MED12L: variants seen among roughly 807,000 people sequenced by gnomAD.
MED12L encodes the protein mediator of RNA polymerase II transcription subunit 12-like protein.
Under a neutral mutation model 281.3 loss-of-function variants are expected in MED12L, and 60 were observed. The ratio of observed to expected loss-of-function variants is 0.21; its 90% CI spans 0.17 to 0.26. The LOEUF is 0.26. Ranked by LOEUF, MED12L falls within the 10% of genes least tolerant of loss-of-function variation. The probability of loss-of-function intolerance (pLI) is 1.00; values close to 1 mark genes in which losing one functional copy is unlikely to be tolerated. For missense variants in MED12L, 2,146 were observed against 2,680.9 expected, an observed-to-expected ratio of 0.80 and a Z score of 4.41; for synonymous variants, 974 against 987.2, an observed-to-expected ratio of 0.99 and a Z score of 0.25.
At chr3:151,426,973 T>G (rs1322293690) in intron 43 of MED12L, among the ~76,000 whole-genome samples, 1 of 151,996 alleles carries the variant, frequency 6.6e-6, no homozygotes, top group Non-Finnish European at 1.5e-5. Flanking sequence ...TGCACCACCA[T>G]GCCTGGCTAA....
rs749999016 is a variant in MED12L at position 151,411,271 on chromosome 3, C to A, written c.5911-7C>A. On this transcript the variant is annotated splice_region_variant and splice_polypyrimidine_tract_variant and intron_variant, in intron 40 of 44. Coordinates refer to ENST00000687756, the MANE Select transcript of MED12L (RefSeq NM_001393769.1). ...ACATTGACTTCTTCCCTTGTGCCTA[C>A]CTGCAGACCATGCCACAGGGCTATA... 6.2e-7 allele frequency: 1 copy of A among 1,613,058 alleles called. No homozygotes were observed. Among genetic ancestry groups the A allele is most frequent in the East Asian group, 2.2e-5 (1 of 44,876 alleles).
chr3:151,102,852 T>C (rs1721562099), intron 2 of MED12L, among the ~76,000 whole-genome samples: 1 of 152,120 alleles, frequency 6.6e-6, no homozygotes, highest in Admixed American at 6.5e-5. Context: ...CCTGCAGATG[T>C]GTGCTGAGCG....
intron 2 of MED12L, among the ~76,000 whole-genome samples, chr3:151,097,706 G>C (rs933126887): frequency 6.6e-6 from 1 of 152,174 alleles, no homozygotes; most frequent in Non-Finnish European, 1.5e-5. Flanking sequence ...ACAACTGGGT[G>C]TGTGTCTTGG....
At chr3:151,089,572 G>A (rs1231045390) in intron 2 of MED12L, among the ~76,000 whole-genome samples, 1 of 147,556 alleles carries the variant, frequency 6.8e-6, no homozygotes, top group African/African-American at 2.5e-5. Flanking sequence ...CACCATAAAT[G>A]TAATTTTTAT....
At chr3:151,405,092 A>G (rs1166454446) in intron 39 of MED12L, among the ~76,000 whole-genome samples, 1 of 152,268 alleles carries the variant, frequency 6.6e-6, no homozygotes, top group African/African-American at 2.4e-5. Flanking sequence ...ATACAGCAGT[A>G]AGAGAGAGAA....
chr3:151,251,559 T>G (rs1487804953), intron 16 of MED12L, among the ~76,000 whole-genome samples: 2 of 152,190 alleles, frequency 1.3e-5, no homozygotes, highest in Non-Finnish European at 2.9e-5. Context: ...TGTGGGTCTC[T>G]AATACTTAAA....
chr3:151,154,492 G>A (rs189626235), intron 5 of MED12L, among the ~76,000 whole-genome samples: 5 of 152,124 alleles, frequency 3.3e-5, no homozygotes, highest in East Asian at 3.9e-4. Flanking sequence ...TAATGAACGC[G>A]TATTTCTCCT....
At chr3:151,315,828 T>C (rs1017815514) in intron 16 of MED12L, among the ~76,000 whole-genome samples, 1 of 152,212 alleles carries the variant, frequency 6.6e-6, no homozygotes, top group African/African-American at 2.4e-5. Context: ...AGATTCAACT[T>C]GAGAATGTGA....
intron 16 of MED12L, among the ~76,000 whole-genome samples, chr3:151,333,783 AAG>A (rs1169544517): frequency 6.6e-6 from 1 of 152,220 alleles, no homozygotes; most frequent in East Asian, 1.9e-4. Context: ...TTGTTCAATT[AAG>A]AGTGGGATTC....
In MED12L at chr3:151,086,858, T is replaced by A. The variant is rs891103023; in HGVS notation, c.-69T>A. 47 of 1,275,850 alleles carry A rather than the reference T, an allele frequency of 3.7e-5. No individual in the cohort carries two copies. Among genetic ancestry groups the A allele is most frequent in the Non-Finnish European group, 4.8e-5 (44 of 916,908 alleles). 79.0% of individuals were successfully genotyped at this position (1,275,850 alleles called of 1,614,324 possible). On this transcript the variant is annotated 5_prime_UTR_variant, in exon 2 of 45. Coordinates refer to ENST00000687756, the MANE Select transcript of MED12L (RefSeq NM_001393769.1). ...AGGGAGTCTGTCTGCAAAGTGCTGC[T>A]CCCTGGTGCTCAGAGGCGGCTGCTC...
intron 21 of MED12L, among the ~76,000 whole-genome samples, chr3:151,361,903 A>G (rs1050322957): frequency 6.6e-6 from 1 of 152,172 alleles, no homozygotes; most frequent in African/African-American, 2.4e-5. Flanking sequence ...AGGGCTGGAA[A>G]GTAAATGCTT....
chr3:151,128,151 C>T (rs945724446), intron 5 of MED12L, among the ~76,000 whole-genome samples, 167 bp downstream of exon 5: 48 of 152,156 alleles, frequency 3.2e-4, no homozygotes, highest in Admixed American at 2.9e-3. Flanking sequence ...CACTCAGTCT[C>T]AGAATCCTGA....
intron 16 of MED12L, among the ~76,000 whole-genome samples, chr3:151,292,856 A>G (rs1252366801): frequency 6.6e-6 from 1 of 152,240 alleles, no homozygotes; most frequent in African/African-American, 2.4e-5. Context: ...AGTGGAGAAA[A>G]GAATTGGCCT....
At chr3:151,205,603 C>T (rs118128343) in intron 16 of MED12L, among the ~76,000 whole-genome samples, 3,233 of 152,240 alleles carry the variant, frequency 0.021, 118 homozygotes, top group East Asian at 0.18. Flanking sequence ...GTCACTGCCA[C>T]AGCCGGGCAC....
chr3:151,392,324 G>A (rs1399223873), intron 38 of MED12L, among the ~76,000 whole-genome samples: 1 of 151,790 alleles, frequency 6.6e-6, no homozygotes, highest in Non-Finnish European at 1.5e-5. Flanking sequence ...AACAAAATTA[G>A]CCAGGCATGG....
intron 41 of MED12L, among the ~76,000 whole-genome samples, chr3:151,412,803 G>A (rs2108364331): frequency 6.6e-6 from 1 of 152,314 alleles, no homozygotes; most frequent in Non-Finnish European, 1.5e-5. Flanking sequence ...GGGCTCTCTG[G>A]TGGGGAGTAA....
At chr3:151,375,821 C>A (rs563468544) in intron 27 of MED12L, among the ~76,000 whole-genome samples, 1 of 151,942 alleles carries the variant, frequency 6.6e-6, no homozygotes, top group Non-Finnish European at 1.5e-5. Flanking sequence ...TGTTTTTAAG[C>A]AAGTTCTACT....
intron 16 of MED12L, among the ~76,000 whole-genome samples, chr3:151,222,143 T>A (rs568287158): frequency 5.9e-5 from 9 of 152,308 alleles, no homozygotes; most frequent in African/African-American, 2.2e-4. Context: ...TTCCTCCCAT[T>A]TGGAATGACT....
chr3:151,265,943 C>T (rs553680502), intron 16 of MED12L, among the ~76,000 whole-genome samples: 3 of 152,140 alleles, frequency 2.0e-5, no homozygotes, highest in Middle Eastern at 3.2e-3. Flanking sequence ...AGGGCATCAG[C>T]GCTGGGCAAG....
Sources: gnomAD v4.1 joint callset for allele counts (sites outside exome capture counted in the v4.1 genomes callset) on GRCh38, gnomAD v4.1.1 for gene constraint, MANE v1.5 for transcripts, NCBI Gene and HGNC (gene_info 2026-07-23, HGNC 2026-07-21) for gene names.